The following CRYBG1 variants were observed in gnomAD, a reference collection of about 807,000 sequenced individuals.
CRYBG1 encodes crystallin beta-gamma domain containing 1.
In CRYBG1, 139 loss-of-function variants were observed where a neutral mutation model predicts 189.2. That is an observed-to-expected ratio of 0.73 (90% confidence interval 0.64 to 0.85). The LOEUF is 0.85. CRYBG1 is among the 40% of genes least tolerant of loss of function. The probability of loss-of-function intolerance (pLI) is 0.00; values close to 1 mark genes in which losing one functional copy is unlikely to be tolerated. For missense variants in CRYBG1, 2,611 were observed against 2,675.8 expected, an observed-to-expected ratio of 0.98 and a Z score of 0.53; for synonymous variants, 1,023 against 1,017.1, an observed-to-expected ratio of 1.01 and a Z score of -0.11.
chr6:106,399,561 G>T (rs930662448), intron 1 of CRYBG1, among the ~76,000 whole-genome samples: 1 of 152,146 alleles, frequency 6.6e-6, no homozygotes, highest in Admixed American at 6.5e-5. Flanking sequence ...CCTAGTGAAG[G>T]AAACTTGCAG....
At position 106,360,999 on chromosome 6, in the gene CRYBG1, T is replaced by C; in HGVS notation, c.91T>C (p.Ser31Pro). 6.5e-7 allele frequency: 1 copy of C among 1,534,854 alleles called. No individual in the cohort carries two copies. The highest frequency in any genetic ancestry group is 1.2e-5 in the South Asian group (1 of 84,032). Residue 31 changes from serine (S) to proline (P), a missense_variant, in exon 1 of 22, where the codon TCC becomes CCC. Physicochemically the swap from Ser to Pro is moderately conservative, Grantham distance 74. Around this residue, in one of 3 missense-constraint regions of CRYBG1, gnomAD observed 985 missense variants for 924.4 expected, o/e 1.07. Transcript: ENST00000633556. Reference protein sequence around the residue: ...KKHTTFHLWRSKKKQQPAPPD... With the variant: ...KKHTTFHLWRPKKKQQPAPPD... ...GCACACCACCTTCCACCTCTGGCGCTCCAAAAAGAAGCAGCAGCCGGCGCC... is the reference window on the plus strand; with the variant it reads ...GCACACCACCTTCCACCTCTGGCGCCCCAAAAAGAAGCAGCAGCCGGCGCC...
intron 3 of CRYBG1, among the ~76,000 whole-genome samples, chr6:106,517,427 TATACACACAC>T: frequency 9.2e-6 from 1 of 108,852 alleles, no homozygotes; most frequent in Non-Finnish European, 2.0e-5. Context: ...TACACATATA[TATACACACAC>T]ACATATATAT....
At chr6:106,452,397 C>A (rs111605986) in intron 2 of CRYBG1, among the ~76,000 whole-genome samples, 1 of 148,442 alleles carries the variant, frequency 6.7e-6, no homozygotes, top group African/African-American at 2.5e-5. Context: ...GCACTCCAGC[C>A]TGAGTGACAG....
At chr6:106,506,488 C>T (rs1190324927) in intron 2 of CRYBG1, among the ~76,000 whole-genome samples, 9 of 116,748 alleles carry the variant, frequency 7.7e-5, no homozygotes, top group African/African-American at 2.3e-4. Context: ...GAGTTTCGCT[C>T]GTCAGCCAGG....
At chr6:106,408,672 C>T (rs563596599) in intron 1 of CRYBG1, among the ~76,000 whole-genome samples, 53 of 152,268 alleles carry the variant, frequency 3.5e-4, no homozygotes, top group South Asian at 6.2e-4. Context: ...TTATCCACCA[C>T]GATCAAGTTG....
intron 2 of CRYBG1, among the ~76,000 whole-genome samples, chr6:106,508,917 CAAAA>C (rs67365041): frequency 0.11 from 15,161 of 143,062 alleles, 851 homozygotes; most frequent in East Asian, 0.22. Flanking sequence ...ATCTAATAGC[CAAAA>C]AAAAAAAAAA....
Position 106,412,665 on chromosome 6 carries a change from G to A in CRYBG1, c.174-39029G>A, listed in dbSNP as rs987505158. Among the ~76,000 whole-genome samples the A allele has an allele frequency of 1.8e-4, 28 of 152,156 alleles. 1 individual carries two copies. Among genetic ancestry groups the A allele is most frequent in the Non-Finnish European group, 2.2e-4 (15 of 68,030 alleles). On this transcript the variant is annotated intron_variant, in intron 1 of 21. Coordinates refer to ENST00000633556, the MANE Select transcript of CRYBG1 (RefSeq NM_001371242.2). ...AACACATGTCCTGCAATTACTATTA[G>A]GGACATCTGTCTTTGTTGACATTGT...
At position 106,491,815 on chromosome 6, in the gene CRYBG1, T is replaced by G. The variant is rs1051482055; in HGVS notation, c.313-19615T>G. On this transcript the variant is annotated intron_variant, in intron 2 of 21. Coordinates refer to ENST00000633556, the MANE Select transcript of CRYBG1 (RefSeq NM_001371242.2). ...CCTCCCCGCTCAGAAACCTTAAAAG[T>G]TTTCATATTTCCCATGACATCACAC... Among the ~76,000 whole-genome samples the G allele has an allele frequency of 2.6e-5, 4 of 152,110 alleles. No individual in the cohort carries two copies. The East Asian group carries it at 7.7e-4, about 29-fold the overall frequency.
At chr6:106,482,808 AAAAG>A (rs1772498741) in intron 2 of CRYBG1, among the ~76,000 whole-genome samples, 1 of 152,048 alleles carries the variant, frequency 6.6e-6, no homozygotes, top group African/African-American at 2.4e-5. Flanking sequence ...TAAAAATAAA[AAAAG>A]AATTCTTCCT....
At position 106,519,548 on chromosome 6, in the gene CRYBG1, G is replaced by T; in HGVS notation, c.2340G>T (p.Gln780His). The T allele has an allele frequency of 6.2e-7, 1 of 1,614,160 alleles. No individual in the cohort carries two copies. Among genetic ancestry groups the T allele is most frequent in the Non-Finnish European group, 8.5e-7 (1 of 1,179,998 alleles). ...DSSENQALGP[Q>H]PNQDDKADVQ... ...CTGAGAATCAAGCTCTTGGTCCTCA[G>T]CCTAACCAAGATGATAAAGCAGATG... The change falls in exon 4 of 22, where the codon CAG becomes CAT. Residue 780 changes from glutamine (Q) to histidine (H), a missense_variant. Coordinates refer to ENST00000633556, the MANE Select transcript of CRYBG1 (RefSeq NM_001371242.2).
At chr6:106,471,145 G>C (rs377499666) in intron 2 of CRYBG1, among the ~76,000 whole-genome samples, 3 of 152,172 alleles carry the variant, frequency 2.0e-5, no homozygotes, top group Non-Finnish European at 2.9e-5. Context: ...GAGGAGGATG[G>C]CATGGTGAAA....
intron 21 of CRYBG1, 117 bp downstream of exon 21, chr6:106,564,043 G>T: frequency 1.8e-6 from 2 of 1,096,720 alleles, no homozygotes; most frequent in Non-Finnish European, 2.6e-6. Flanking sequence ...CAGTAAGAGA[G>T]CCCCTACTGT....
chr6:106,568,670 C>A lies in CRYBG1; in HGVS notation c.*104C>A. ...AGACTGGAAAGTGGATCGACTCCTC[C>A]TTCATTGATTCTAAATTCAACCTTA... is the stretch of plus-strand genomic sequence containing the variant. On this transcript the variant is annotated 3_prime_UTR_variant, in exon 22 of 22. Coordinates refer to ENST00000633556, the MANE Select transcript of CRYBG1 (RefSeq NM_001371242.2). 2.6e-6 allele frequency: 2 copies of A among 757,948 alleles called. No individual in the cohort carries two copies. Among genetic ancestry groups the A allele is most frequent in the African/African-American group, 1.7e-5 (1 of 57,298 alleles). 47.0% of individuals were successfully genotyped at this position (757,948 alleles called of 1,614,324 possible).
chr6:106,559,419 A>G (rs1774645502), intron 18 of CRYBG1, among the ~76,000 whole-genome samples: 1 of 152,230 alleles, frequency 6.6e-6, no homozygotes. Flanking sequence ...TTTTTCTTTT[A>G]TTCACAAAAA....
At chr6:106,422,457 G>C (rs1771148436) in intron 1 of CRYBG1, among the ~76,000 whole-genome samples, 1 of 151,770 alleles carries the variant, frequency 6.6e-6, no homozygotes, top group Non-Finnish European at 1.5e-5. Context: ...CTCAGCCTCT[G>C]AGTAGCTGGG....
chr6:106,365,689 T>TTTTTTTTTTTTTTTTTTTTTTTTTTTG (rs1491250866), intron 1 of CRYBG1, among the ~76,000 whole-genome samples: 2 of 124,348 alleles, frequency 1.6e-5, no homozygotes, highest in South Asian at 2.6e-4. Flanking sequence ...TATTTTTTTT[T>TTTTTTTTTTTTTTTTTTTTTTTTTTTG]AAAAAAAGCA....
chr6:106,512,778 G>T lies in CRYBG1; in HGVS notation c.1661G>T (p.Gly554Val), dbSNP rs1377192540. Residue 554 changes from glycine to valine, a missense_variant, in exon 3 of 22, where the codon GGC becomes GTC. Coordinates refer to ENST00000633556, the MANE Select transcript of CRYBG1 (RefSeq NM_001371242.2). Reference sequence around the variant, plus strand: ...CCCGATCCCAGCCCAGTCACCAAGGGCACTGCGGCCGAGAGCGGGGAGGAG... The same window carrying T: ...CCCGATCCCAGCCCAGTCACCAAGGTCACTGCGGCCGAGAGCGGGGAGGAG... ...RVPDPSPVTK[G>V]TAAESGEEAA... 1.3e-6 allele frequency: 2 copies of T among 1,583,764 alleles called. No homozygotes were observed. Among genetic ancestry groups the T allele is most frequent in the East Asian group, 4.6e-5 (2 of 43,492 alleles).
At chr6:106,393,980 C>T (rs1770557899) in intron 1 of CRYBG1, among the ~76,000 whole-genome samples, 1 of 152,148 alleles carries the variant, frequency 6.6e-6, no homozygotes, top group Non-Finnish European at 1.5e-5. Flanking sequence ...GCCTCCTCTT[C>T]CTTTTTTGTC....
intron 2 of CRYBG1, among the ~76,000 whole-genome samples, chr6:106,494,513 A>G (rs981656474): frequency 1.3e-5 from 2 of 152,200 alleles, no homozygotes; most frequent in African/African-American, 4.8e-5. Flanking sequence ...GTCATGATGA[A>G]AGAAAGAGGA....
Sources: gnomAD v4.1 joint callset for allele counts (sites outside exome capture counted in the v4.1 genomes callset) on GRCh38, gnomAD v4.1.1 for gene constraint, gnomAD v4.1.1 regional missense constraint, MANE v1.5 for transcripts, NCBI Gene and HGNC (gene_info 2026-07-23, HGNC 2026-07-21) for gene names.